TTYH2: variants seen among roughly 807,000 people sequenced by gnomAD.
TTYH2 encodes protein tweety homolog 2.
Under a neutral mutation model 68.3 loss-of-function variants are expected in TTYH2, and 49 were observed. The observed-to-expected ratio is 0.72, with a 90% CI of 0.57 to 0.91. TTYH2 has a LOEUF of 0.91. Among genes scored for constraint, TTYH2 ranks in the 40% least tolerant of loss-of-function variants. TTYH2 has a pLI of 0.00. For missense variants in TTYH2, 631 were observed against 700.4 expected, an observed-to-expected ratio of 0.90 and a Z score of 1.12; for synonymous variants, 272 against 300.8, an observed-to-expected ratio of 0.90 and a Z score of 0.99.
chr17:74,222,495 TCCTGGGGCTGGTGGCCGCCGTCTG>T lies in TTYH2; in HGVS notation c.147_170del (p.Val51_Leu58del). ...TCTGCTCTCTTCCAGTCGCTGCTGT[TCCTGGGGCTGGTGGCCGCCGTCTG>T]CCTGGGCCTGAACCTCATCTTCCTT... On this transcript the variant is annotated inframe_deletion, in exon 2 of 14. Transcript: ENST00000269346. This position sits in a 1 kb window ranked among gnomAD's most constrained non-coding sequence, Gnocchi z 5.2. 6.2e-7 allele frequency: 1 copy of T among 1,610,048 alleles called. No individual in the cohort carries two copies. Among genetic ancestry groups the T allele is most frequent in the Non-Finnish European group, 8.5e-7 (1 of 1,179,690 alleles).
At position 74,248,657 on chromosome 17, in the gene TTYH2, G is replaced by T. The variant is rs567308548; in HGVS notation, c.805-354G>T. 1,472 of 1,148,536 alleles carry T rather than the reference G, an allele frequency of 1.3e-3. 1 individual carries two copies. Among genetic ancestry groups the T allele is most frequent in the Middle Eastern group, 2.3e-3 (6 of 2,640 alleles). 71.1% of individuals were successfully genotyped at this position (1,148,536 alleles called of 1,614,324 possible). A position where few individuals can be genotyped will look rare whatever the true frequency, so the allele number is the denominator to read the frequency against. On this transcript the variant is annotated intron_variant, in intron 6 of 13. Transcript: ENST00000269346. ...AGCCTGCAGCTGCCCTGGGGCCCAG[G>T]ATGCTGGCCCCCAAAGGTCTGTCCC...
intron 6 of TTYH2, among the ~76,000 whole-genome samples, chr17:74,247,366 A>G (rs1487785691): frequency 6.6e-6 from 1 of 152,172 alleles, no homozygotes; most frequent in African/African-American, 2.4e-5. Context: ...CATCACACAC[A>G]TACATGCACA....
intron 2 of TTYH2, among the ~76,000 whole-genome samples, chr17:74,225,124 G>A (rs546235873): frequency 1.3e-5 from 2 of 152,328 alleles, no homozygotes; most frequent in East Asian, 3.9e-4. Context: ...CCCATAGGAT[G>A]AGAAGGCGTT....
intron 2 of TTYH2, 109 bp from the exon 3 acceptor site, chr17:74,230,779 G>A: frequency 9.4e-7 from 1 of 1,068,264 alleles, no homozygotes; most frequent in Non-Finnish European, 1.3e-6. Flanking sequence ...TGAGTAGCTG[G>A]GATTACAGGC....
intron 4 of TTYH2, among the ~76,000 whole-genome samples, chr17:74,242,077 C>G (rs1482892675): frequency 6.6e-6 from 1 of 152,184 alleles, no homozygotes; most frequent in African/African-American, 2.4e-5. Flanking sequence ...TTCCTCTGGC[C>G]CTGTGAGATG....
intron 2 of TTYH2, among the ~76,000 whole-genome samples, chr17:74,226,925 C>A (rs1382348970): frequency 6.6e-6 from 1 of 152,086 alleles, no homozygotes; most frequent in African/African-American, 2.4e-5. Context: ...ATTAAACAGC[C>A]AAGGCGATTT....
Position 74,215,170 on chromosome 17 carries a change from CGTGTGTGTGTGTGT to C in TTYH2, c.129+1475_129+1488del, listed in dbSNP as rs5822029. ...AGGCGGATATGATTTCAGAAACAGC[CGTGTGTGTGTGTGT>C]GTGTGTGTGTGTGTGTGTGTCCCCA... On this transcript the variant is annotated intron_variant, in intron 1 of 13. Coordinates refer to ENST00000269346, the MANE Select transcript of TTYH2 (RefSeq NM_032646.6). This position sits in a 1 kb window ranked among gnomAD's most constrained non-coding sequence, Gnocchi z 4.3. Among the ~76,000 whole-genome samples, 3 of 147,384 alleles carry C rather than the reference CGTGTGTGTGTGTGT, an allele frequency of 2.0e-5. No homozygotes were observed. The highest frequency in any genetic ancestry group is 4.5e-5 in the Non-Finnish European group (3 of 66,622).
At chr17:74,219,397 A>AG (rs1350329388) in intron 1 of TTYH2, among the ~76,000 whole-genome samples, 1 of 151,588 alleles carries the variant, frequency 6.6e-6, no homozygotes, top group East Asian at 1.9e-4. Context: ...CAAAAAAAAA[A>AG]AAAAAAGAAT....
chr17:74,233,195 A>G (rs960119366), intron 3 of TTYH2, among the ~76,000 whole-genome samples: 16 of 152,186 alleles, frequency 1.1e-4, no homozygotes, highest in African/African-American at 3.9e-4. Context: ...CCTAGGGCCC[A>G]GGTGTAGCTG....
chr17:74,253,352 A>G, intron 12 of TTYH2, 86 bp downstream of exon 12: 1 of 1,456,230 alleles, frequency 6.9e-7, no homozygotes, highest in Non-Finnish European at 9.1e-7. Context: ...GTGGGGAGGA[A>G]GGCATCCAAG....
chr17:74,236,997 A>G (rs1475582960), intron 3 of TTYH2, among the ~76,000 whole-genome samples: 2 of 151,454 alleles, frequency 1.3e-5, no homozygotes, highest in African/African-American at 4.9e-5. Context: ...CCCGGGTCCA[A>G]GTGATTGTCC....
chr17:74,231,198 G>A (rs2050386132), intron 3 of TTYH2, among the ~76,000 whole-genome samples, 199 bp downstream of exon 3: 1 of 152,248 alleles, frequency 6.6e-6, no homozygotes, highest in African/African-American at 2.4e-5. Context: ...GCCTGCAGGG[G>A]TGGCAGGGAT....
At position 74,253,807 on chromosome 17, in the gene TTYH2, A is replaced by C; in HGVS notation, c.1498A>C (p.Ile500Leu). 6.2e-7 allele frequency: 1 copy of C among 1,614,184 alleles called. No individual in the cohort carries two copies. The highest frequency in any genetic ancestry group is 8.5e-7 in the Non-Finnish European group (1 of 1,180,022). ...RNPRYENVPL[I>L]GRASPPPTYS... ...CCCACGCTACGAGAACGTGCCACTA[A>C]TCGGGAGAGCCTCCCCTCCGCCTAC... The change falls in exon 13 of 14, where the codon ATC (isoleucine) becomes CTC (leucine). Residue 500 changes from isoleucine (I) to leucine (L), a missense_variant. Ile to Leu is a conservative substitution (Grantham distance 5, BLOSUM62 2). Transcript: ENST00000269346.
rs1269616641 is a variant in TTYH2, at chr17:74,222,916, T to G, written c.302+259T>G. ...GGGTTTGTCCTGTGCCCAGCAGCTG[T>G]GCAGGCAGCATTTCTGCACCGACAC... On this transcript the variant is annotated intron_variant, in intron 2 of 13. Coordinates refer to ENST00000269346, the MANE Select transcript of TTYH2 (RefSeq NM_032646.6). The surrounding 1 kb of genome is among the most constrained non-coding windows in gnomAD (Gnocchi z 5.2). 6.6e-6 allele frequency among the ~76,000 whole-genome samples: 1 copy of G among 152,026 alleles called. No individual in the cohort carries two copies. Among genetic ancestry groups the G allele is most frequent in the Non-Finnish European group, 1.5e-5 (1 of 67,994 alleles).
chr17:74,218,392 G>T (rs564460806), intron 1 of TTYH2, among the ~76,000 whole-genome samples: 1 of 152,108 alleles, frequency 6.6e-6, no homozygotes, highest in African/African-American at 2.4e-5. Flanking sequence ...GCTTCCAAAG[G>T]CTGGGCAGGG....
At chr17:74,230,643 CT>C (rs749699251) in intron 2 of TTYH2, among the ~76,000 whole-genome samples, 1,226 of 141,414 alleles carry the variant, frequency 8.7e-3, no homozygotes, top group Admixed American at 0.011. Flanking sequence ...TAAAAACAAG[CT>C]TTTTTTTTTT....
intron 10 of TTYH2, 67 bp downstream of exon 10, chr17:74,250,424 A>G (rs1598231240): frequency 2.9e-6 from 4 of 1,395,700 alleles, no homozygotes; most frequent in Non-Finnish European, 4.0e-6. Context: ...CTTCCAGAGA[A>G]AAGCCGGTAG....
At chr17:74,259,260 A>C (rs2050723579) in intron 13 of TTYH2, among the ~76,000 whole-genome samples, 1 of 151,996 alleles carries the variant, frequency 6.6e-6, no homozygotes, top group Admixed American at 6.6e-5. Context: ...CCCAGGGTGA[A>C]GTGCAGTGGT....
chr17:74,246,589 G>A (rs1436118187), intron 6 of TTYH2, among the ~76,000 whole-genome samples: 1 of 152,144 alleles, frequency 6.6e-6, no homozygotes, highest in African/African-American at 2.4e-5. Context: ...TGGTTACTGG[G>A]CAGCCTCTCC....
Sources: gnomAD v4.1 joint callset for allele counts (sites outside exome capture counted in the v4.1 genomes callset) on GRCh38, gnomAD v4.1.1 for gene constraint, Gnocchi (gnomAD v3.1) non-coding constraint, MANE v1.5 for transcripts, NCBI Gene and HGNC (gene_info 2026-07-23, HGNC 2026-07-21) for gene names.